Variants in TEAD3 observed in about 807,000 individuals in gnomAD.
TEAD3 encodes transcriptional enhancer factor TEF-5.
A neutral mutation model predicts 55.6 loss-of-function variants in TEAD3; 15 were observed. The observed-to-expected ratio is 0.27, with a 90% CI of 0.18 to 0.42. TEAD3 has a LOEUF of 0.42. TEAD3 is among the 10% of genes least tolerant of loss of function. The probability of loss-of-function intolerance (pLI) is 1.00; values close to 1 mark genes in which losing one functional copy is unlikely to be tolerated. For missense variants in TEAD3, 407 were observed against 576.8 expected, an observed-to-expected ratio of 0.71 and a Z score of 3.01; for synonymous variants, 210 against 232.2, an observed-to-expected ratio of 0.90 and a Z score of 0.87.
At position 35,484,022 on chromosome 6, in the gene TEAD3, T is replaced by C. The variant is rs965721577; in HGVS notation, c.267+538A>G. On this transcript the variant is annotated intron_variant, in intron 3 of 12. Coordinates refer to ENST00000639578, the Ensembl canonical transcript of TEAD3. This position sits in a 1 kb window ranked among gnomAD's most constrained non-coding sequence, Gnocchi z 5.8. ...CTGGAAGGAAGGGTCTTCTCCCTTT[T>C]CTCTGCCTTGCGAACTCCCATTCCT... Among the ~76,000 whole-genome samples, 8 of 152,200 alleles carry C rather than the reference T, an allele frequency of 5.3e-5. No homozygotes were observed. Among genetic ancestry groups the C allele is most frequent in the South Asian group, 4.1e-4 (2 of 4,830 alleles).
chr6:35,494,452 C>G (rs965222689), intron 1 of TEAD3, among the ~76,000 whole-genome samples: 2 of 152,152 alleles, frequency 1.3e-5, no homozygotes, highest in African/African-American at 4.8e-5. Context: ...GGCACAACAC[C>G]AGGAGGGGAG....
chr6:35,493,009 C>T (rs925554500), intron 1 of TEAD3, among the ~76,000 whole-genome samples: 1 of 152,034 alleles, frequency 6.6e-6, no homozygotes, highest in Non-Finnish European at 1.5e-5. Flanking sequence ...TACTCTGGGT[C>T]GCCCACTGGG....
chr6:35,479,622 C>G (rs1469623252), intron 4 of TEAD3, among the ~76,000 whole-genome samples: 1 of 152,192 alleles, frequency 6.6e-6, no homozygotes, highest in African/African-American at 2.4e-5. Flanking sequence ...CCGCTGTGGG[C>G]AGGGAGAAGA....
At chr6:35,481,163 C>T (rs1423944718) in intron 3 of TEAD3, among the ~76,000 whole-genome samples, 1 of 151,972 alleles carries the variant, frequency 6.6e-6, no homozygotes, top group East Asian at 1.9e-4. Context: ...TCTTCTCTAG[C>T]CATCTCCTCC....
chr6:35,491,769 G>A lies in TEAD3; in HGVS notation c.-49-5058C>T, dbSNP rs1374115485. On this transcript the variant is annotated intron_variant, in intron 1 of 12. Coordinates refer to ENST00000639578, the Ensembl canonical transcript of TEAD3. The surrounding 1 kb of genome is among the most constrained non-coding windows in gnomAD (Gnocchi z 4.4). ...TGGGTGGAGGCAGGGATGGGGGCTA[G>A]GAGGCTGGGTGAGCAGGCTTTGGGG... Among the ~76,000 whole-genome samples, 1 of 152,252 alleles carries A rather than the reference G, an allele frequency of 6.6e-6. No homozygotes were observed.
rs1489929017 is a variant in TEAD3 at position 35,484,574 on chromosome 6, G to A, written c.253C>T (p.Arg85Trp). Reference sequence around the variant, plus strand: ...CGTCTCTCTACCTGTTTTCTCGTCCGAGTCTTCCCCGTCCTCAGTTTAATA... The same window carrying A: ...CGTCTCTCTACCTGTTTTCTCGTCCAAGTCTTCCCCGTCCTCAGTTTAATA... The change falls in exon 3 of 13, where the codon CGG becomes TGG. Residue 85 changes from arginine to tryptophan, a missense_variant. Coordinates refer to ENST00000639578, the Ensembl canonical transcript of TEAD3. This position sits in a 1 kb window ranked among gnomAD's most constrained non-coding sequence, Gnocchi z 5.8. 1.2e-6 allele frequency: 2 copies of A among 1,605,332 alleles called. No individual in the cohort carries two copies. The highest frequency in any genetic ancestry group is 1.1e-5 in the South Asian group (1 of 89,150).
Position 35,476,550 on chromosome 6 carries a change from AC to A in TEAD3, c.593-116del, listed in dbSNP as rs869137198. ...GGGAAGGAACATGAGTTGGATTTTG[AC>A]TCCCCTACTATGTGTCCTTGTACAG... On this transcript the variant is annotated intron_variant, in intron 8 of 12. Transcript: ENST00000639578. The A allele has an allele frequency of 1.7e-5, 23 of 1,332,020 alleles. No individual in the cohort carries two copies. The African/African-American group carries it at 1.9e-4, about 11-fold the overall frequency. The allele number at this position is 1,332,020 out of a possible 1,614,324, so 82.5% of individuals were successfully genotyped here. A position where few individuals can be genotyped will look rare whatever the true frequency, so the allele number is the denominator to read the frequency against.
chr6:35,480,750 C>T (rs908206548), intron 3 of TEAD3, among the ~76,000 whole-genome samples: 4 of 152,166 alleles, frequency 2.6e-5, no homozygotes, highest in Admixed American at 2.0e-4. Context: ...CAAAGGGCAC[C>T]AGTGAGGGCT....
chr6:35,487,667 G>C (rs990586073), intron 1 of TEAD3, among the ~76,000 whole-genome samples: 1 of 151,944 alleles, frequency 6.6e-6, no homozygotes, highest in African/African-American at 2.4e-5. Context: ...AGGTTGCAGT[G>C]AGTGGAGATA....
rs1395732459 is a variant in TEAD3 at position 35,488,638 on chromosome 6, A to ATC, written c.-49-1929_-49-1928dup. Among the ~76,000 whole-genome samples the ATC allele has an allele frequency of 6.6e-6, 1 of 152,090 alleles. No individual in the cohort carries two copies. Among genetic ancestry groups the ATC allele is most frequent in the Non-Finnish European group, 1.5e-5 (1 of 68,010 alleles). On this transcript the variant is annotated intron_variant, in intron 1 of 12. Transcript: ENST00000639578. The surrounding 1 kb of genome is among the most constrained non-coding windows in gnomAD (Gnocchi z 4.2). ...TGTTTGCTTAGGGAGGCTTGAGGGG[A>ATC]TCACTAGTAGAATGAGGTGGGGAGG...
intron 1 of TEAD3, among the ~76,000 whole-genome samples, chr6:35,495,995 C>T (rs1308327293): frequency 2.0e-5 from 3 of 152,202 alleles, no homozygotes; most frequent in Admixed American, 6.5e-5. Context: ...GGGCCCCTCA[C>T]CAGGAAAGTT....
chr6:35,476,038 G>A, exon 10 of TEAD3: 2 of 1,550,618 alleles, frequency 1.3e-6, no homozygotes, highest in South Asian at 1.2e-5. Context: ...TCCAGGGGTG[G>A]GTCTGAGAAG....
rs1396683114 is a variant in TEAD3 at position 35,483,585 on chromosome 6, T to C, written c.267+975A>G. On this transcript the variant is annotated intron_variant, in intron 3 of 12. Coordinates refer to ENST00000639578, the Ensembl canonical transcript of TEAD3. The surrounding 1 kb of genome is among the most constrained non-coding windows in gnomAD (Gnocchi z 4.5). The stretch of plus-strand genomic sequence containing the variant: ...CACTGTTGATCTAGGCCTCTGCTTA[T>C]GCCCGCAATGGCCAGCCTCTCTGTC... 1.3e-5 allele frequency among the ~76,000 whole-genome samples: 2 copies of C among 152,194 alleles called. No individual in the cohort carries two copies. The highest frequency in any genetic ancestry group is 2.9e-5 in the Non-Finnish European group (2 of 68,034).
intron 1 of TEAD3, among the ~76,000 whole-genome samples, chr6:35,487,731 C>A (rs1186598461): frequency 2.7e-5 from 4 of 150,304 alleles, no homozygotes; most frequent in East Asian, 2.0e-4. Context: ...CAAAAAAAAA[C>A]AAAACAAAAC....
At position 35,476,235 on chromosome 6, in the gene TEAD3, C is replaced by T; in HGVS notation, c.726+67G>A. 5 of 1,569,770 alleles carry T rather than the reference C, an allele frequency of 3.2e-6. No individual in the cohort carries two copies. The South Asian group carries it at 5.8e-5, about 18-fold the overall frequency. On this transcript the variant is annotated intron_variant, in intron 9 of 12. Coordinates refer to ENST00000639578, the Ensembl canonical transcript of TEAD3. ...CCAACCCCCAGATCCTGAGTTGCAG[C>T]CCTGGATCACCCGGCCGGCCTCTCC...
intron 5 of TEAD3, among the ~76,000 whole-genome samples, 167 bp downstream of exon 5, chr6:35,479,135 CCCA>C (rs1768215551): frequency 6.6e-6 from 1 of 152,206 alleles, no homozygotes; most frequent in Non-Finnish European, 1.5e-5. Flanking sequence ...ACCTCTGCCT[CCCA>C]AAGTGCTGGG....
chr6:35,487,663 C>A (rs1768414761), intron 1 of TEAD3, among the ~76,000 whole-genome samples: 1 of 151,818 alleles, frequency 6.6e-6, no homozygotes, highest in Non-Finnish European at 1.5e-5. Flanking sequence ...GCAGAGGTTG[C>A]AGTGAGTGGA....
rs888689091 is a variant in TEAD3, at chr6:35,491,122, T to C, written c.-49-4411A>G. Among the ~76,000 whole-genome samples, 1 of 151,048 alleles carries C rather than the reference T, an allele frequency of 6.6e-6. No individual in the cohort carries two copies. The highest frequency in any genetic ancestry group is 1.5e-5 in the Non-Finnish European group (1 of 67,798). On this transcript the variant is annotated intron_variant, in intron 1 of 12. Transcript: ENST00000639578. This position sits in a 1 kb window ranked among gnomAD's most constrained non-coding sequence, Gnocchi z 4.4. ...CAGACCAGAGACAGGAGAGTCCCAG[T>C]GAGTGACAGACAGAAAGCCCAACCC...
chr6:35,486,320 G>T lies in TEAD3; in HGVS notation c.202+141C>A. 1 of 1,007,906 alleles carries T rather than the reference G, an allele frequency of 9.9e-7. No homozygotes were observed. Among genetic ancestry groups the T allele is most frequent in the Non-Finnish European group, 1.4e-6 (1 of 701,730 alleles). The allele number at this position is 1,007,906 out of a possible 1,614,324, so 62.4% of individuals were successfully genotyped here. A position where few individuals can be genotyped will look rare whatever the true frequency, so the allele number is the denominator to read the frequency against. ...CTTGTTTATGAGGAGGAGCGCGGAGGAGGATCCAGACACACAGGCTTGCGC... is the reference window on the plus strand; with the variant it reads ...CTTGTTTATGAGGAGGAGCGCGGAGTAGGATCCAGACACACAGGCTTGCGC... On this transcript the variant is annotated intron_variant, in intron 2 of 12. Transcript: ENST00000639578. This position sits in a 1 kb window ranked among gnomAD's most constrained non-coding sequence, Gnocchi z 7.3.
Sources: gnomAD v4.1 joint callset for allele counts (sites outside exome capture counted in the v4.1 genomes callset) on GRCh38, gnomAD v4.1.1 for gene constraint, Gnocchi (gnomAD v3.1) non-coding constraint, MANE v1.5 for transcripts, NCBI Gene and HGNC (gene_info 2026-07-23, HGNC 2026-07-21) for gene names.